Variants in PCDHA8 observed in about 807,000 individuals in gnomAD.
The protein encoded by PCDHA8 is protocadherin alpha-8.
In PCDHA8, 53 loss-of-function variants were observed where a neutral mutation model predicts 61.8. The ratio of observed to expected loss-of-function variants is 0.86; its 90% CI spans 0.69 to 1.08. The LOEUF is 1.08. PCDHA8 is among the 50% of genes least tolerant of loss of function. The pLI, the probability that PCDHA8 is intolerant of heterozygous loss-of-function variation, is 0.00. For synonymous variants in PCDHA8, 618 were observed against 556.6 expected (o/e 1.11, Z -1.55); for missense variants, 1,293 against 1,245.0 (o/e 1.04, Z -0.58).
chr5:140,869,588 T>TC, intron 1 of PCDHA8: 1 of 1,614,114 alleles, frequency 6.2e-7, no homozygotes. Context: ...GATGCTGACA[T>TC]TGAAGAGAAT....
intron 1 of PCDHA8, among the ~76,000 whole-genome samples, chr5:140,956,797 G>T (rs1224324866): frequency 6.6e-6 from 1 of 152,040 alleles, no homozygotes; most frequent in Non-Finnish European, 1.5e-5. Flanking sequence ...TGCTTGGTGG[G>T]CTATTTATTA....
chr5:140,968,008 C>T, intron 1 of PCDHA8: 1 of 1,614,202 alleles, frequency 6.2e-7, no homozygotes, highest in Non-Finnish European at 8.5e-7. Flanking sequence ...GACTGAATGG[C>T]TTTGGAAACT....
intron 1 of PCDHA8, among the ~76,000 whole-genome samples, chr5:140,950,973 T>C (rs1381300164): frequency 3.3e-5 from 5 of 152,244 alleles, no homozygotes; most frequent in Middle Eastern, 3.4e-3. Flanking sequence ...TTCAGATTCA[T>C]TGACTTTTGC....
intron 1 of PCDHA8, among the ~76,000 whole-genome samples, chr5:140,873,389 T>C (rs2054266406): frequency 6.6e-6 from 1 of 152,220 alleles, no homozygotes; most frequent in Admixed American, 6.5e-5. Flanking sequence ...GACTTGGGAA[T>C]GTTTTCAGTA....
At chr5:140,948,727 T>C (rs2094298087) in intron 1 of PCDHA8, among the ~76,000 whole-genome samples, 2 of 151,670 alleles carry the variant, frequency 1.3e-5, no homozygotes, top group Admixed American at 1.3e-4. Flanking sequence ...TATCAATAAG[T>C]CTAGCTGAGA....
intron 1 of PCDHA8, chr5:140,876,137 T>G (rs782331817): frequency 1.2e-6 from 2 of 1,613,916 alleles, no homozygotes; most frequent in Non-Finnish European, 8.5e-7. Context: ...AAACCAGAAC[T>G]AACAGGGTCT....
At chr5:140,917,863 G>A (rs182359679) in intron 1 of PCDHA8, among the ~76,000 whole-genome samples, 1 of 151,750 alleles carries the variant, frequency 6.6e-6, no homozygotes, top group East Asian at 1.9e-4. Context: ...GGATTGCTTT[G>A]ACTATTTGGG....
intron 1 of PCDHA8, chr5:140,849,292 C>T (rs1472038377): frequency 1.5e-5 from 18 of 1,231,626 alleles, no homozygotes; most frequent in African/African-American, 1.8e-5. Flanking sequence ...CACCCCAATG[C>T]CTCAGATTTA....
intron 1 of PCDHA8, among the ~76,000 whole-genome samples, chr5:140,923,975 T>C (rs1475895954): frequency 2.0e-5 from 3 of 152,222 alleles, no homozygotes; most frequent in African/African-American, 7.2e-5. Flanking sequence ...CCACACATAC[T>C]ATCCCTCTAG....
chr5:140,988,184 GGT>G (rs2153871318), intron 3 of PCDHA8, among the ~76,000 whole-genome samples: 1 of 152,246 alleles, frequency 6.6e-6, no homozygotes, highest in East Asian at 1.9e-4. Flanking sequence ...AGTCCTGGGA[GGT>G]GTGTGCATAT....
At chr5:140,853,209 A>G (rs1399552448) in intron 1 of PCDHA8, 10 of 983,300 alleles carry the variant, frequency 1.0e-5, no homozygotes, top group Non-Finnish European at 1.1e-5. Context: ...TGACGGCTGT[A>G]TTGATGGGAT....
At chr5:140,901,952 C>T (rs1427349795) in intron 1 of PCDHA8, among the ~76,000 whole-genome samples, 6 of 151,888 alleles carry the variant, frequency 4.0e-5, no homozygotes, top group Non-Finnish European at 8.8e-5. Context: ...TAGTTTTATT[C>T]GTGGCTATCG....
chr5:140,891,418 C>G (rs2063090538), intron 1 of PCDHA8, among the ~76,000 whole-genome samples: 1 of 146,594 alleles, frequency 6.8e-6, no homozygotes, highest in Non-Finnish European at 1.5e-5. Flanking sequence ...CCACTCTTGC[C>G]CCCAAGTCCC....
intron 1 of PCDHA8, among the ~76,000 whole-genome samples, chr5:140,931,894 A>G (rs1242530874): frequency 1.3e-5 from 2 of 151,966 alleles, no homozygotes; most frequent in African/African-American, 4.8e-5. Flanking sequence ...TTTTATTTCA[A>G]ATCATTTGAA....
intron 1 of PCDHA8, chr5:140,850,334 A>G (rs2041532425): frequency 6.3e-7 from 1 of 1,597,666 alleles, no homozygotes. Context: ...AGCTGCAGCC[A>G]GAAACGGCCA....
intron 1 of PCDHA8, chr5:140,858,495 G>A (rs2045450784): frequency 6.7e-7 from 1 of 1,481,628 alleles, no homozygotes; most frequent in East Asian, 2.5e-5. Flanking sequence ...TTCTCTTACC[G>A]CATTTTCTCA....
chr5:140,900,831 T>G (rs1554189475), intron 1 of PCDHA8, among the ~76,000 whole-genome samples: 1 of 152,198 alleles, frequency 6.6e-6, no homozygotes, highest in Non-Finnish European at 1.5e-5. Context: ...CCACCAACAA[T>G]GTACAAAGTT....
chr5:140,892,448 A>G (rs973072554), intron 1 of PCDHA8, among the ~76,000 whole-genome samples: 13 of 152,292 alleles, frequency 8.5e-5, no homozygotes, highest in African/African-American at 2.9e-4. Context: ...ATTTACATGT[A>G]TTCTTTAAGT....
Position 140,841,629 on chromosome 5 carries a change from G to T in PCDHA8, c.308G>T (p.Ser103Ile). The T allele has an allele frequency of 6.2e-7, 1 of 1,614,156 alleles. No homozygotes were observed. The highest frequency in any genetic ancestry group is 8.5e-7 in the Non-Finnish European group (1 of 1,180,022). Residue 103 changes from serine to isoleucine, a missense_variant, in exon 1 of 4, where the codon AGC (serine) becomes ATC (isoleucine). Transcript: ENST00000531613. The part of the protein sequence containing the change: ...EELCGRSAEC[S>I]IHLEVIVDRP... The stretch of plus-strand genomic sequence containing the variant: ...CTGTGCGGGCGGAGCGCGGAGTGCA[G>T]CATCCACCTGGAGGTGATCGTGGAC...
Sources: gnomAD v4.1 joint callset for allele counts (sites outside exome capture counted in the v4.1 genomes callset) on GRCh38, gnomAD v4.1.1 for gene constraint, MANE v1.5 for transcripts, NCBI Gene and HGNC (gene_info 2026-07-23, HGNC 2026-07-21) for gene names.